The following AIG1 variants were observed in gnomAD, a reference collection of about 807,000 sequenced individuals.
The protein encoded by AIG1 is androgen induced 1.
AIG1 carries 23 observed loss-of-function variants against 31.4 expected under a neutral mutation model. The observed-to-expected ratio is 0.73, with a 90% CI of 0.53 to 1.04. The LOEUF (loss-of-function observed/expected upper bound fraction) is 1.04, where lower values mean the gene tolerates loss of function less well. AIG1 is among the 50% of genes least tolerant of loss of function. The pLI is 0.00. For synonymous variants in AIG1, 100 were observed against 110.5 expected (o/e 0.90, Z 0.60); for missense variants, 274 against 295.0 (o/e 0.93, Z 0.52).
At chr6:143,227,370 T>A (rs1018296569) in intron 3 of AIG1, among the ~76,000 whole-genome samples, 5 of 152,068 alleles carry the variant, frequency 3.3e-5, no homozygotes, top group Non-Finnish European at 7.4e-5. Context: ...AGCTGCCCCG[T>A]GCCCCTGCCC....
intron 3 of AIG1, among the ~76,000 whole-genome samples, chr6:143,180,169 T>A (rs943050080): frequency 6.6e-6 from 1 of 152,250 alleles, no homozygotes; most frequent in Non-Finnish European, 1.5e-5. Context: ...GAGTTCTCCA[T>A]GGCCTGCAAC....
At chr6:143,124,355 A>G (rs1782498786) in intron 1 of AIG1, among the ~76,000 whole-genome samples, 2 of 152,204 alleles carry the variant, frequency 1.3e-5, no homozygotes, top group South Asian at 4.1e-4. Context: ...AGGCAAGGGA[A>G]TGTGCAGTCC....
chr6:143,138,788 G>A (rs1783996533), intron 2 of AIG1, among the ~76,000 whole-genome samples: 1 of 151,712 alleles, frequency 6.6e-6, no homozygotes, highest in Non-Finnish European at 1.5e-5. Context: ...AGCTACTCAG[G>A]AGGCTGATGC....
intron 3 of AIG1, among the ~76,000 whole-genome samples, chr6:143,201,477 C>T (rs73781112): frequency 0.017 from 2,566 of 152,202 alleles, 83 homozygotes; most frequent in African/African-American, 0.058. Context: ...GTTGCCTTTG[C>T]GCTATATATT....
chr6:143,229,765 C>T (rs936597930), intron 3 of AIG1, among the ~76,000 whole-genome samples: 6 of 124,672 alleles, frequency 4.8e-5, no homozygotes, highest in Admixed American at 3.8e-4. Context: ...TAATGCCTCT[C>T]GTTTCTGGAC....
At chr6:143,078,699 C>T (rs180870833) in intron 1 of AIG1, among the ~76,000 whole-genome samples, 1 of 152,252 alleles carries the variant, frequency 6.6e-6, no homozygotes, top group East Asian at 1.9e-4. Flanking sequence ...ACCTTGAGAA[C>T]AGTATGGAGG....
chr6:143,136,051 A>G (rs1269868267), intron 1 of AIG1, among the ~76,000 whole-genome samples: 1 of 152,194 alleles, frequency 6.6e-6, no homozygotes, highest in Non-Finnish European at 1.5e-5. Context: ...TAAATAAAAC[A>G]TAGCTGATCT....
intron 1 of AIG1, among the ~76,000 whole-genome samples, chr6:143,069,353 G>A (rs1777041745): frequency 6.6e-6 from 1 of 152,126 alleles, no homozygotes; most frequent in African/African-American, 2.4e-5. Context: ...TGTAAGTTTT[G>A]ACAGATGCAT....
At chr6:143,206,878 A>G (rs1247883119) in intron 3 of AIG1, among the ~76,000 whole-genome samples, 1 of 152,184 alleles carries the variant, frequency 6.6e-6, no homozygotes, top group Non-Finnish European at 1.5e-5. Context: ...CAGTGATTAT[A>G]ATAATATGCC....
rs2128723970 is a variant in AIG1, at chr6:143,333,766, C to T, written c.679+321C>T. On this transcript the variant is annotated intron_variant, in intron 5 of 5. Coordinates refer to ENST00000357847, the MANE Select transcript of AIG1 (RefSeq NM_016108.4). The surrounding 1 kb of genome is among the most constrained non-coding windows in gnomAD (Gnocchi z 4.6). ...GGGAAATTTGTCCTCATTAACAACACAATGCTGCCTTAGTTAGCTAAAGGG... is the reference window on the plus strand; with the variant it reads ...GGGAAATTTGTCCTCATTAACAACATAATGCTGCCTTAGTTAGCTAAAGGG... Among the ~76,000 whole-genome samples the T allele has an allele frequency of 6.6e-6, 1 of 152,270 alleles. No homozygotes were observed. Among genetic ancestry groups the T allele is most frequent in the Admixed American group, 6.5e-5 (1 of 15,292 alleles).
intron 3 of AIG1, among the ~76,000 whole-genome samples, chr6:143,195,676 C>T (rs1207807866): frequency 6.6e-6 from 1 of 150,898 alleles, no homozygotes; most frequent in African/African-American, 2.4e-5. Flanking sequence ...GGAGCCCTCG[C>T]CAGGGAGGGA....
At chr6:143,196,781 C>G (rs1455082270) in intron 3 of AIG1, among the ~76,000 whole-genome samples, 3 of 151,938 alleles carry the variant, frequency 2.0e-5, no homozygotes, top group East Asian at 1.9e-4. Flanking sequence ...GCATACAAAT[C>G]AGACATAAAT....
intron 3 of AIG1, among the ~76,000 whole-genome samples, chr6:143,260,247 G>A (rs113737349): frequency 0.017 from 2,628 of 152,096 alleles, 33 homozygotes; most frequent in Middle Eastern, 0.024. Context: ...TCTTGACCTC[G>A]TGATCCGCCC....
At chr6:143,090,630 T>C (rs1161984226) in intron 1 of AIG1, among the ~76,000 whole-genome samples, 5 of 152,254 alleles carry the variant, frequency 3.3e-5, no homozygotes, top group African/African-American at 1.2e-4. Flanking sequence ...CTACCAAGTG[T>C]GCAATGCCAT....
chr6:143,085,139 A>G (rs1456262440), intron 1 of AIG1, among the ~76,000 whole-genome samples: 1 of 152,124 alleles, frequency 6.6e-6, no homozygotes, highest in Non-Finnish European at 1.5e-5. Context: ...GTCTATTTTA[A>G]TTTGCTTCAA....
chr6:143,183,380 G>A (rs1788925741), intron 3 of AIG1, among the ~76,000 whole-genome samples: 1 of 152,134 alleles, frequency 6.6e-6, no homozygotes, highest in Non-Finnish European at 1.5e-5. Context: ...ATTTTTAGTA[G>A]AGAGGGGGTT....
rs1451758308 is a variant in AIG1 at position 143,279,509 on chromosome 6, G to A, written c.400-4601G>A. Among the ~76,000 whole-genome samples the A allele has an allele frequency of 6.6e-6, 1 of 152,104 alleles. No homozygotes were observed. Among genetic ancestry groups the A allele is most frequent in the African/African-American group, 2.4e-5 (1 of 41,412 alleles). On this transcript the variant is annotated intron_variant, in intron 3 of 5. Transcript: ENST00000357847. The surrounding 1 kb of genome is among the most constrained non-coding windows in gnomAD (Gnocchi z 5.4). Reference sequence around the variant, plus strand: ...TTTTTCTTGTCCCATCTGCTTCCGAGTCTTCACATCAGAATTAATCATGGG... The same window carrying A: ...TTTTTCTTGTCCCATCTGCTTCCGAATCTTCACATCAGAATTAATCATGGG...
Position 143,326,349 on chromosome 6 carries a change from C to T in AIG1, c.516-6933C>T, listed in dbSNP as rs571335294. ...GTTCTCTTGTTCTCAGTTCTTTAGA[C>T]ATGCCTTTTTTTGGCTAGAAAGTTC... is the stretch of plus-strand genomic sequence containing the variant. On this transcript the variant is annotated intron_variant, in intron 4 of 5. Transcript: ENST00000357847. The surrounding 1 kb of genome is among the most constrained non-coding windows in gnomAD (Gnocchi z 4.5). 9.9e-5 allele frequency among the ~76,000 whole-genome samples: 15 copies of T among 152,166 alleles called. 1 individual carries two copies. The highest frequency in any genetic ancestry group is 1.9e-4 in the Non-Finnish European group (13 of 68,028).
intron 3 of AIG1, among the ~76,000 whole-genome samples, chr6:143,198,419 A>G (rs1790430097): frequency 1.3e-5 from 2 of 152,264 alleles, no homozygotes; most frequent in African/African-American, 4.8e-5. Flanking sequence ...ACATATGCAG[A>G]CAACGTTTGA....
Sources: allele counts gnomAD v4.1 joint callset (sites outside exome capture counted in the v4.1 genomes callset), GRCh38; gene constraint gnomAD v4.1.1; non-coding constraint Gnocchi (gnomAD v3.1); transcripts MANE v1.5; gene names NCBI Gene and HGNC (gene_info 2026-07-23, HGNC 2026-07-21).